The following TIAM1 variants were observed in gnomAD, a reference collection of about 807,000 sequenced individuals.
TIAM1 encodes rho guanine nucleotide exchange factor TIAM1.
TIAM1 carries 65 observed loss-of-function variants against 163.5 expected under a neutral mutation model. The observed-to-expected ratio is 0.40, with a 90% CI of 0.33 to 0.49. The LOEUF is 0.49. Ranked by LOEUF, TIAM1 falls within the 20% of genes least tolerant of loss-of-function variation. The pLI, the probability that TIAM1 is intolerant of heterozygous loss-of-function variation, is 0.77. For synonymous variants in TIAM1, 833 were observed against 810.1 expected (o/e 1.03, Z -0.48); for missense variants, 1,789 against 2,044.7 (o/e 0.87, Z 2.41).
Position 31,245,635 on chromosome 21 carries a change from G to C in TIAM1, c.1437C>G (p.Ser479Arg), listed in dbSNP as rs781690152. ...TGTGGTCTATCCCAGACCTGCCGTC[G>C]CTCTCGTAGAAAAATAGCGTGCATC... Reference protein sequence around the residue: ...LKGCTLFFYESDGRSGIDHNS... With the variant: ...LKGCTLFFYERDGRSGIDHNS... Residue 479 changes from serine (S) to arginine (R), a missense_variant, in exon 6 of 28, where the codon AGC becomes AGG. Transcript: ENST00000541036. 34 of 1,583,084 alleles carry C rather than the reference G, an allele frequency of 2.1e-5. No individual in the cohort carries two copies. The highest frequency in any genetic ancestry group is 2.8e-5 in the Non-Finnish European group (33 of 1,164,730).
At chr21:31,558,758 C>T (rs1050874722) in intron 1 of TIAM1, among the ~76,000 whole-genome samples, 5 of 152,108 alleles carry the variant, frequency 3.3e-5, no homozygotes, top group Non-Finnish European at 7.4e-5. Flanking sequence ...GAAAACAATA[C>T]GTGGAAAGCC....
intron 8 of TIAM1, among the ~76,000 whole-genome samples, chr21:31,219,754 A>C (rs8129938): frequency 0.05 from 6,988 of 139,982 alleles, 447 homozygotes; most frequent in African/African-American, 0.21. Flanking sequence ...CAAAACAAAA[A>C]AAAACCCCAG....
chr21:31,171,929 C>T (rs1297146941), intron 15 of TIAM1, among the ~76,000 whole-genome samples: 1 of 152,190 alleles, frequency 6.6e-6, no homozygotes, highest in African/African-American at 2.4e-5. Flanking sequence ...CTTAAACCCT[C>T]CAGCCCCAGT....
intron 22 of TIAM1, among the ~76,000 whole-genome samples, chr21:31,139,975 A>G (rs368030982): frequency 5.5e-4 from 83 of 152,262 alleles, no homozygotes; most frequent in African/African-American, 1.9e-3. Context: ...ATTCACCTCA[A>G]CATTTCTTCA....
intron 8 of TIAM1, among the ~76,000 whole-genome samples, chr21:31,218,207 G>A (rs532865241): frequency 1.9e-4 from 29 of 152,224 alleles, no homozygotes; most frequent in Non-Finnish European, 4.1e-4. Flanking sequence ...ATAAAATCAC[G>A]TTTTAAAATC....
intron 15 of TIAM1, among the ~76,000 whole-genome samples, chr21:31,166,918 A>C (rs2084249736): frequency 6.6e-6 from 1 of 152,110 alleles, no homozygotes. Flanking sequence ...AGGAGGCACG[A>C]CTGACAGGGG....
At chr21:31,164,888 C>T in intron 16 of TIAM1, 74 bp downstream of exon 16, 1 of 1,454,704 alleles carries the variant, frequency 6.9e-7, no homozygotes, top group Non-Finnish European at 9.6e-7. Flanking sequence ...CCACATACAG[C>T]TGTGTAGGTG....
intron 4 of TIAM1, among the ~76,000 whole-genome samples, chr21:31,259,714 G>C (rs1181334150): frequency 2.0e-5 from 3 of 151,852 alleles, no homozygotes; most frequent in Admixed American, 6.6e-5. Flanking sequence ...TATGGACTAG[G>C]GTTCCCTAAA....
In TIAM1 at chr21:31,466,850, A is replaced by G. The variant is rs62221285; in HGVS notation, c.-421-2815T>C. Among the ~76,000 whole-genome samples the G allele has an allele frequency of 3.8e-3, 586 of 152,272 alleles. 2 individuals are homozygous for G. The highest frequency in any genetic ancestry group is 6.8e-3 in the Middle Eastern group (2 of 294). On this transcript the variant is annotated intron_variant, in intron 1 of 28. Transcript: ENST00000286827. ...TAAGGGGAAACTACCTTTGCACATAATGCCATGTGAGCAATTTATATACAA... is the reference window on the plus strand; with the variant it reads ...TAAGGGGAAACTACCTTTGCACATAGTGCCATGTGAGCAATTTATATACAA...
intron 1 of TIAM1, chr21:31,558,899 C>T (rs2048991313): frequency 6.6e-6 from 1 of 152,006 alleles, no homozygotes; most frequent in South Asian, 2.1e-4. Flanking sequence ...GGCCGGACGC[C>T]CGCGCACCCC....
chr21:31,374,892 T>TA (rs901029028), intron 2 of TIAM1, among the ~76,000 whole-genome samples: 21 of 152,270 alleles, frequency 1.4e-4, no homozygotes, highest in Non-Finnish European at 2.1e-4. Context: ...TACCCTCCTT[T>TA]AAAAAAAGAT....
chr21:31,471,152 G>A (rs2045726519), intron 1 of TIAM1, among the ~76,000 whole-genome samples: 1 of 152,206 alleles, frequency 6.6e-6, no homozygotes. Flanking sequence ...AAAATACTCA[G>A]GAGACAAGAG....
intron 1 of TIAM1, among the ~76,000 whole-genome samples, chr21:31,468,018 G>A (rs972766642): frequency 4.0e-5 from 6 of 150,968 alleles, no homozygotes; most frequent in South Asian, 2.1e-4. Context: ...CCTGGGAGGT[G>A]GAGGTTGCAG....
At chr21:31,187,183 G>A (rs2085343073) in intron 13 of TIAM1, 96 bp from the exon 14 acceptor site, 2 of 1,129,260 alleles carry the variant, frequency 1.8e-6, no homozygotes, top group Non-Finnish European at 1.3e-6. Flanking sequence ...TATGTTTCAT[G>A]TTTGTCATTA....
chr21:31,359,067 CT>C (rs993668486), intron 2 of TIAM1, among the ~76,000 whole-genome samples: 14 of 152,068 alleles, frequency 9.2e-5, no homozygotes. Context: ...TCTTTATATT[CT>C]TTTAGTCTTC....
intron 2 of TIAM1, among the ~76,000 whole-genome samples, chr21:31,451,536 A>G (rs1448456903): frequency 6.6e-6 from 1 of 152,140 alleles, no homozygotes; most frequent in African/African-American, 2.4e-5. Flanking sequence ...TAGTTCAGAG[A>G]AAGAGCAAAT....
At chr21:31,215,589 A>AAAAAAAAAAAG (rs1555893145) in intron 9 of TIAM1, among the ~76,000 whole-genome samples, 2 of 147,558 alleles carry the variant, frequency 1.4e-5, no homozygotes, top group African/African-American at 5.3e-5. Flanking sequence ...AAAAAAAAAA[A>AAAAAAAAAAAG]GAAGAGAAAT....
intron 11 of TIAM1, among the ~76,000 whole-genome samples, chr21:31,209,097 AC>A (rs1224574838): frequency 3.9e-5 from 6 of 152,080 alleles, no homozygotes; most frequent in Non-Finnish European, 2.9e-5. Flanking sequence ...TGCAGGATGC[AC>A]CCAGCTGTAG....
chr21:31,523,382 C>T (rs1191016669), intron 1 of TIAM1, among the ~76,000 whole-genome samples: 2 of 152,140 alleles, frequency 1.3e-5, no homozygotes, highest in Middle Eastern at 3.2e-3. Flanking sequence ...ATCTTCTTCC[C>T]AAATGAGAAC....
Sources: allele counts gnomAD v4.1 joint callset (sites outside exome capture counted in the v4.1 genomes callset), GRCh38; gene constraint gnomAD v4.1.1; transcripts MANE v1.5; gene names NCBI Gene and HGNC (gene_info 2026-07-23, HGNC 2026-07-21).